The following ITPR2 variants were observed in gnomAD, a reference collection of about 807,000 sequenced individuals.
ITPR2 encodes the protein inositol 1,4,5-trisphosphate receptor type 2, also known as inositol 1,4,5-trisphosphate-gated calcium channel ITPR2.
Under a neutral mutation model 317.1 loss-of-function variants are expected in ITPR2, and 207 were observed. That is an observed-to-expected ratio of 0.65 (90% confidence interval 0.58 to 0.73). ITPR2 has a LOEUF of 0.73. Among genes scored for constraint, ITPR2 ranks in the 30% least tolerant of loss-of-function variants. ITPR2 has a pLI of 0.00. For synonymous variants in ITPR2, 1,156 were observed against 1,149.1 expected (o/e 1.01, Z -0.12); for missense variants, 2,613 against 3,284.0 (o/e 0.80, Z 4.99).
chr12:26,828,370 ACC>A (rs1951040602), intron 1 of ITPR2, among the ~76,000 whole-genome samples: 1 of 152,168 alleles, frequency 6.6e-6, no homozygotes, highest in Admixed American at 6.5e-5. Context: ...AGGGAGTGCT[ACC>A]CCTACATGTA....
intron 45 of ITPR2, among the ~76,000 whole-genome samples, chr12:26,463,385 G>T (rs1942089657): frequency 6.6e-6 from 1 of 152,118 alleles, no homozygotes; most frequent in African/African-American, 2.4e-5. Context: ...TGAGTACTCT[G>T]GCCGGGCTCG....
chr12:26,793,221 C>G (rs1950374405), intron 1 of ITPR2, among the ~76,000 whole-genome samples: 1 of 152,168 alleles, frequency 6.6e-6, no homozygotes, highest in Admixed American at 6.6e-5. Flanking sequence ...GACCTTTGGT[C>G]TATGAGAAGA....
At chr12:26,800,682 TA>T (rs1435009836) in intron 1 of ITPR2, among the ~76,000 whole-genome samples, 1 of 152,204 alleles carries the variant, frequency 6.6e-6, no homozygotes, top group Non-Finnish European at 1.5e-5. Context: ...CTGAAGACAG[TA>T]AATCAGACAC....
intron 37 of ITPR2, among the ~76,000 whole-genome samples, chr12:26,527,017 CA>C (rs1469603018): frequency 2.0e-5 from 3 of 152,126 alleles, no homozygotes; most frequent in African/African-American, 7.2e-5. Context: ...ATCCTAGTAC[CA>C]AACAGCCCCT....
chr12:26,725,742 T>C lies in ITPR2; in HGVS notation c.187A>G (p.Met63Val), dbSNP rs749938688. ...TGCTTCTGGGCAGAATATCTGTTCA[T>C]AGGGCACACCTTGAAAAGGCAGTCT... ...FRDCLFKVCPMNRYSAQKQYW... is the reference protein window; with the variant it reads ...FRDCLFKVCPVNRYSAQKQYW... Residue 63 changes from methionine (M) to valine (V), a missense_variant, in exon 3 of 57, where the codon ATG (methionine) becomes GTG (valine). By Grantham distance (21) the Met-to-Val change is conservative. This residue lies in a region of ITPR2 where 515 missense variants were observed against 789.4 expected (regional missense o/e 0.65). Transcript: ENST00000381340. The C allele has an allele frequency of 9.3e-6, 15 of 1,612,894 alleles. No homozygotes were observed. The highest frequency in any genetic ancestry group is 1.6e-4 in the Middle Eastern group (1 of 6,072).
intron 45 of ITPR2, among the ~76,000 whole-genome samples, chr12:26,462,727 A>G (rs1163306197): frequency 1.4e-5 from 2 of 148,032 alleles, no homozygotes; most frequent in Non-Finnish European, 1.5e-5. Context: ...GCTGGAGTGC[A>G]ATGGCGCCAT....
At chr12:26,408,521 GGA>G (rs1329366906) in intron 52 of ITPR2, among the ~76,000 whole-genome samples, 2 of 152,040 alleles carry the variant, frequency 1.3e-5, no homozygotes, top group Non-Finnish European at 2.9e-5. Flanking sequence ...AACCATCCTG[GGA>G]GAGTCTCACA....
chr12:26,383,552 C>T (rs1379343853), intron 55 of ITPR2, among the ~76,000 whole-genome samples: 2 of 151,822 alleles, frequency 1.3e-5, no homozygotes, highest in Admixed American at 1.3e-4. Context: ...GGCGTGATCT[C>T]GGCTTACTAC....
intron 2 of ITPR2, among the ~76,000 whole-genome samples, chr12:26,754,391 C>T (rs1727731706): frequency 6.6e-6 from 1 of 152,182 alleles, no homozygotes; most frequent in African/African-American, 2.4e-5. Flanking sequence ...CTCTTATCTG[C>T]ACTTCTGTCT....
intron 55 of ITPR2, among the ~76,000 whole-genome samples, chr12:26,352,862 C>CA (rs529640888): frequency 1.0e-3 from 159 of 152,346 alleles, no homozygotes; most frequent in Non-Finnish European, 1.8e-3. Context: ...CAATGGTGCA[C>CA]ATCTCTTTCC....
intron 37 of ITPR2, among the ~76,000 whole-genome samples, chr12:26,527,120 TG>T (rs1270316164): frequency 6.6e-6 from 1 of 152,230 alleles, no homozygotes; most frequent in African/African-American, 2.4e-5. Context: ...ATCCCAAACC[TG>T]TCAAAAGTGT....
At chr12:26,722,318 A>G (rs1404448340) in intron 5 of ITPR2, 79 bp downstream of exon 5, 2 of 1,277,444 alleles carry the variant, frequency 1.6e-6, no homozygotes, top group Non-Finnish European at 2.2e-6. Flanking sequence ...TCTTTTTTGT[A>G]CTTTCTGGAT....
chr12:26,629,395 T>C (rs1946694225), intron 22 of ITPR2, among the ~76,000 whole-genome samples: 1 of 152,148 alleles, frequency 6.6e-6, no homozygotes, highest in East Asian at 1.9e-4. Flanking sequence ...AAGACCAGCC[T>C]GGGCAACATG....
chr12:26,541,960 G>T (rs1944275670), intron 37 of ITPR2, among the ~76,000 whole-genome samples: 1 of 151,488 alleles, frequency 6.6e-6, no homozygotes, highest in South Asian at 2.1e-4. Flanking sequence ...TATCACTCCG[G>T]ATATCAACTT....
intron 26 of ITPR2, among the ~76,000 whole-genome samples, chr12:26,608,667 AGGG>A (rs918163331): frequency 2.3e-4 from 35 of 152,148 alleles, no homozygotes; most frequent in African/African-American, 8.4e-4. Flanking sequence ...CTGTGAAGTG[AGGG>A]GCCCCTCTGC....
At chr12:26,665,565 C>A (rs1947607229) in intron 14 of ITPR2, among the ~76,000 whole-genome samples, 1 of 152,216 alleles carries the variant, frequency 6.6e-6, no homozygotes, top group South Asian at 2.1e-4. Context: ...TCTCTTGGAT[C>A]CCTCAGTTCT....
chr12:26,387,331 A>G, intron 55 of ITPR2, 103 bp downstream of exon 55: 1 of 1,112,652 alleles, frequency 9.0e-7, no homozygotes, highest in South Asian at 1.5e-5. Context: ...TTAACAAAAA[A>G]TGATTGCTAC....
intron 45 of ITPR2, among the ~76,000 whole-genome samples, chr12:26,455,419 G>A (rs1370365969): frequency 2.0e-5 from 3 of 148,100 alleles, no homozygotes; most frequent in African/African-American, 7.6e-5. Context: ...GAGAATTACT[G>A]CTCAAATGAA....
chr12:26,453,889 C>T (rs1020486711), intron 45 of ITPR2, among the ~76,000 whole-genome samples: 3 of 152,094 alleles, frequency 2.0e-5, no homozygotes, highest in African/African-American at 7.2e-5. Context: ...AATATGTCCT[C>T]CATCTAGAAT....
Sources: allele counts gnomAD v4.1 joint callset (sites outside exome capture counted in the v4.1 genomes callset), GRCh38; gene constraint gnomAD v4.1.1; regional missense constraint gnomAD v4.1.1; transcripts MANE v1.5; gene names NCBI Gene and HGNC (gene_info 2026-07-23, HGNC 2026-07-21).